FBXO11: variants seen among roughly 807,000 people sequenced by gnomAD.
FBXO11 encodes F-box protein 11.
Under a neutral mutation model 117.0 loss-of-function variants are expected in FBXO11, and 13 were observed. The observed-to-expected ratio is 0.11, with a 90% CI of 0.07 to 0.18. The LOEUF (loss-of-function observed/expected upper bound fraction) is 0.18. FBXO11 is among the 10% of genes least tolerant of loss of function. The pLI, the probability that FBXO11 is intolerant of heterozygous loss-of-function variation, is 1.00. For missense variants in FBXO11, 767 were observed against 1,164.4 expected, an observed-to-expected ratio of 0.66 and a Z score of 4.97; for synonymous variants, 490 against 380.5, an observed-to-expected ratio of 1.29 and a Z score of -3.35.
In FBXO11 at chr2:47,877,962, C is replaced by T. The variant is rs373261008; in HGVS notation, c.232+27527G>A. On this transcript the variant is annotated intron_variant, in intron 1 of 22. Transcript: ENST00000403359. ...CCTCCCAAAGTGCTGGGATTACAGGCGTGAGCCACCGTGCCTGGCCCAGAA... is the reference window on the plus strand; with the variant it reads ...CCTCCCAAAGTGCTGGGATTACAGGTGTGAGCCACCGTGCCTGGCCCAGAA... Among the ~76,000 whole-genome samples, 22 of 152,070 alleles carry T rather than the reference C, an allele frequency of 1.4e-4. No individual in the cohort carries two copies. In the East Asian group the frequency reaches 2.5e-3, roughly 17 times the overall value.
intron 1 of FBXO11, among the ~76,000 whole-genome samples, chr2:47,856,464 A>G (rs1674301094): frequency 6.6e-6 from 1 of 152,228 alleles, no homozygotes. Context: ...ACCAGTATAC[A>G]TTGGAAGAGG....
chr2:47,820,352 AT>A lies in FBXO11; in HGVS notation c.1797+9del. On this transcript the variant is annotated intron_variant, in intron 14 of 22. Coordinates refer to ENST00000403359, the MANE Select transcript of FBXO11 (RefSeq NM_001190274.2). ...CATGAGTTTATAGGGAACTATATACATTAACTTACCACATAAATCCCACCAT... is the reference window on the plus strand; with the variant it reads ...CATGAGTTTATAGGGAACTATATACATAACTTACCACATAAATCCCACCAT... The A allele has an allele frequency of 6.2e-7, 1 of 1,610,010 alleles. No homozygotes were observed.
intron 1 of FBXO11, among the ~76,000 whole-genome samples, chr2:47,843,731 GCTGCTT>G (rs1173134485): frequency 4.0e-5 from 6 of 151,650 alleles, no homozygotes; most frequent in Non-Finnish European, 5.9e-5. Flanking sequence ...TAGATTTGCT[GCTGCTT>G]CTTCTTCTTC....
intron 1 of FBXO11, among the ~76,000 whole-genome samples, chr2:47,904,557 AAC>A (rs1371133889): frequency 1.2e-4 from 18 of 150,282 alleles, no homozygotes; most frequent in South Asian, 2.1e-4. Flanking sequence ...CCTTGGACAC[AAC>A]ACACACACGC....
intron 14 of FBXO11, 88 bp from the exon 15 acceptor site, chr2:47,819,166 A>AT (rs1353519977): frequency 1.4e-6 from 2 of 1,391,856 alleles, no homozygotes; most frequent in Non-Finnish European, 1.9e-6. Context: ...CAGTTAAAAA[A>AT]TTTTCCATTT....
chr2:47,857,615 T>C (rs1407363659), intron 1 of FBXO11, among the ~76,000 whole-genome samples: 1 of 152,072 alleles, frequency 6.6e-6, no homozygotes, highest in Non-Finnish European at 1.5e-5. Context: ...GGATGTGGTT[T>C]AGGGGTAAGA....
chr2:47,857,193 T>C (rs1297146518), intron 1 of FBXO11, among the ~76,000 whole-genome samples: 1 of 152,194 alleles, frequency 6.6e-6, no homozygotes, highest in Non-Finnish European at 1.5e-5. Context: ...CTAGAGATTA[T>C]AAAATCAGTA....
intron 11 of FBXO11, among the ~76,000 whole-genome samples, chr2:47,831,576 C>T (rs952873425): frequency 1.3e-4 from 20 of 152,064 alleles, no homozygotes; most frequent in African/African-American, 4.6e-4. Context: ...ACCCTCTCTC[C>T]CATCTTGGAC....
At chr2:47,871,742 T>G (rs1353627910) in intron 1 of FBXO11, among the ~76,000 whole-genome samples, 1 of 152,194 alleles carries the variant, frequency 6.6e-6, no homozygotes, top group Admixed American at 6.5e-5. Flanking sequence ...GATTTCACAT[T>G]TTGAAAACAT....
intron 4 of FBXO11, among the ~76,000 whole-genome samples, chr2:47,836,247 T>C (rs1352308495): frequency 6.6e-6 from 1 of 152,104 alleles, no homozygotes; most frequent in Non-Finnish European, 1.5e-5. Context: ...AGCCTCAGCC[T>C]CCTGAGTAGC....
intron 1 of FBXO11, among the ~76,000 whole-genome samples, chr2:47,890,372 T>A (rs1677167670): frequency 6.6e-6 from 1 of 152,144 alleles, no homozygotes; most frequent in Non-Finnish European, 1.5e-5. Flanking sequence ...AATATAGATG[T>A]CTATAAATTA....
chr2:47,903,054 T>C (rs1005704192), intron 1 of FBXO11, among the ~76,000 whole-genome samples: 4 of 152,164 alleles, frequency 2.6e-5, no homozygotes, highest in Non-Finnish European at 5.9e-5. Context: ...AGTGACACTT[T>C]GCGTGCTCCA....
chr2:47,894,630 A>T (rs1163841920), intron 1 of FBXO11, among the ~76,000 whole-genome samples: 1 of 152,184 alleles, frequency 6.6e-6, no homozygotes, highest in Non-Finnish European at 1.5e-5. Context: ...AATCAAAGTG[A>T]TATTAAGTTA....
intron 1 of FBXO11, among the ~76,000 whole-genome samples, chr2:47,845,077 T>C (rs1428590692): frequency 1.3e-5 from 2 of 152,292 alleles, no homozygotes; most frequent in Non-Finnish European, 2.9e-5. Flanking sequence ...TTTCATCCTA[T>C]ACAACTCCCT....
intron 1 of FBXO11, 185 bp downstream of exon 1, chr2:47,905,304 T>C: frequency 4.2e-6 from 2 of 479,266 alleles, no homozygotes; most frequent in Non-Finnish European, 3.0e-6. Context: ...AGCCGCGGCT[T>C]TTCCTGCCGG....
At chr2:47,816,812 CTG>C (rs1461725111) in intron 16 of FBXO11, among the ~76,000 whole-genome samples, 1 of 152,130 alleles carries the variant, frequency 6.6e-6, no homozygotes, top group East Asian at 1.9e-4. Flanking sequence ...ATTCAGTAAA[CTG>C]TACTGTAAAT....
At chr2:47,846,721 A>T (rs1354823534) in intron 1 of FBXO11, among the ~76,000 whole-genome samples, 1 of 151,594 alleles carries the variant, frequency 6.6e-6, no homozygotes, top group Admixed American at 6.6e-5. Context: ...AATATACTTA[A>T]CATATTAAAT....
At chr2:47,840,626 A>AC (rs1672944064) in intron 1 of FBXO11, among the ~76,000 whole-genome samples, 1 of 150,904 alleles carries the variant, frequency 6.6e-6, no homozygotes, top group South Asian at 2.1e-4. Context: ...CTAAAAAACA[A>AC]TTTTTTTTGG....
intron 19 of FBXO11, 113 bp from the exon 20 acceptor site, chr2:47,809,820 T>C: frequency 6.2e-6 from 4 of 642,542 alleles, no homozygotes; most frequent in South Asian, 5.8e-5. Context: ...TTAACCCTCT[T>C]AATGTCTACT....
Sources: allele counts gnomAD v4.1 joint callset (sites outside exome capture counted in the v4.1 genomes callset), GRCh38; gene constraint gnomAD v4.1.1; transcripts MANE v1.5; gene names NCBI Gene and HGNC (gene_info 2026-07-23, HGNC 2026-07-21).